DOCK7: variants seen among roughly 807,000 people sequenced by gnomAD.
DOCK7 encodes the protein dedicator of cytokinesis 7.
A neutral mutation model predicts 271.0 loss-of-function variants in DOCK7; 138 were observed. The observed-to-expected ratio is 0.51, with a 90% confidence interval of 0.44 to 0.59. The LOEUF is 0.59. DOCK7 is among the 20% of genes least tolerant of loss of function. The probability of loss-of-function intolerance (pLI) is 0.00; values close to 1 mark genes in which losing one functional copy is unlikely to be tolerated. For synonymous variants in DOCK7, 823 were observed against 876.1 expected (o/e 0.94, Z 1.07); for missense variants, 2,066 against 2,592.4 (o/e 0.80, Z 4.41).
intron 14 of DOCK7, among the ~76,000 whole-genome samples, chr1:62,597,054 G>A (rs1005073144): frequency 1.3e-5 from 2 of 152,116 alleles, no homozygotes; most frequent in East Asian, 1.9e-4. Context: ...ATTGAGAGCC[G>A]TAACACCACC....
rs773854351 is a variant in DOCK7 at position 62,654,011 on chromosome 1, G to T, written c.293C>A (p.Thr98Asn). Residue 98 changes from threonine to asparagine, a missense_variant, in exon 3 of 50, where the codon ACT becomes AAT. Around this residue, in one of 2 missense-constraint regions of DOCK7, gnomAD observed 1,414 missense variants for 1,670.4 expected, o/e 0.85. Transcript: ENST00000635253. ...TTCTTCAGGTACAGCTGAAACAAGA[G>T]TTCTGCAGTCCCGAGGACTATAAAC... The part of the protein sequence containing the change: ...EVVYSPRDCR[T>N]LVSAVPEESE... 1.7e-5 allele frequency: 27 copies of T among 1,613,654 alleles called. No individual in the cohort carries two copies. Among genetic ancestry groups the T allele is most frequent in the Non-Finnish European group, 2.3e-5 (27 of 1,179,812 alleles).
At chr1:62,536,104 T>TTGTC (rs1163526029) in intron 28 of DOCK7, among the ~76,000 whole-genome samples, 1 of 4,506 alleles carries the variant, frequency 2.2e-4, no homozygotes, top group Admixed American at 5.6e-3. Flanking sequence ...CATCATTTTG[T>TTGTC]TGTCTGAGTT....
chr1:62,626,119 T>C (rs889918008), intron 11 of DOCK7, among the ~76,000 whole-genome samples: 2 of 152,128 alleles, frequency 1.3e-5, no homozygotes, highest in African/African-American at 4.8e-5. Flanking sequence ...TATGTAAGTA[T>C]AATAGCCCAT....
chr1:62,532,159 C>T (rs772505589), intron 29 of DOCK7, among the ~76,000 whole-genome samples: 4 of 152,042 alleles, frequency 2.6e-5, no homozygotes, highest in Non-Finnish European at 5.9e-5. Flanking sequence ...CTCAGCCTCC[C>T]GAGTAGCTGG....
chr1:62,565,377 T>G (rs1264424936), intron 18 of DOCK7, among the ~76,000 whole-genome samples: 1 of 152,146 alleles, frequency 6.6e-6, no homozygotes, highest in Non-Finnish European at 1.5e-5. Context: ...CAAGTCAGCT[T>G]CATCCCTGGG....
chr1:62,631,720 T>C (rs1171093902), intron 10 of DOCK7, among the ~76,000 whole-genome samples: 3 of 151,392 alleles, frequency 2.0e-5, no homozygotes. Flanking sequence ...ATAACCATGG[T>C]CTAGTCAGCA....
intron 1 of DOCK7, 35 bp from the exon 2 acceptor site, chr1:62,663,165 GAA>G (rs377005796): frequency 3.3e-4 from 340 of 1,038,032 alleles, no homozygotes; most frequent in South Asian, 5.9e-4. Context: ...ACGCATTATT[GAA>G]AAAAAAAAAA....
At chr1:62,529,472 A>T in intron 29 of DOCK7, 26 bp from the exon 30 acceptor site, 1 of 1,570,750 alleles carries the variant, frequency 6.4e-7, no homozygotes, top group Middle Eastern at 1.7e-4. Flanking sequence ...AAGACAAAGA[A>T]GAAAAAGCAG....
chr1:62,688,076 ACCCCGAACCC>A, intron 1 of DOCK7, 141 bp downstream of exon 1: 1 of 1,014,326 alleles, frequency 9.9e-7, no homozygotes, highest in Non-Finnish European at 1.2e-6. Flanking sequence ...CCCCTCAGCC[ACCCCGAACCC>A]CTTCCGCCCC....
intron 1 of DOCK7, among the ~76,000 whole-genome samples, chr1:62,680,140 C>T (rs962478103): frequency 7.2e-5 from 11 of 152,134 alleles, no homozygotes; most frequent in Non-Finnish European, 1.5e-4. Context: ...TCAAACTGTA[C>T]TACAAGGCTA....
Position 62,538,041 on chromosome 1 carries a change from T to C in DOCK7, c.3321A>G (p.Ser1107=), listed in dbSNP as rs532161091. Reference sequence around the variant, plus strand: ...ACACCAGAACACTGGGATTCGGTAATGAGTAAAGCTTTGAAGACACCTTGT... The same window carrying C: ...ACACCAGAACACTGGGATTCGGTAACGAGTAAAGCTTTGAAGACACCTTGT... The part of the protein sequence containing the change: ...CYKQVSSKLY[S]LPNPSVLVSL... Residue 1107 remains serine, a synonymous_variant, in exon 28 of 50, where the codon TCA becomes TCG. Coordinates refer to ENST00000635253, the MANE Select transcript of DOCK7 (RefSeq NM_001367561.1). 3 of 1,613,798 alleles carry C rather than the reference T, an allele frequency of 1.9e-6. No individual in the cohort carries two copies. The highest frequency in any genetic ancestry group is 2.2e-5 in the South Asian group (2 of 91,036).
intron 16 of DOCK7, among the ~76,000 whole-genome samples, chr1:62,582,400 AT>A (rs1647158147): frequency 6.7e-6 from 1 of 150,194 alleles, no homozygotes; most frequent in South Asian, 2.1e-4. Context: ...AATACAAAAA[AT>A]TAGCCGGGCG....
At chr1:62,466,351 A>T (rs149529166) in intron 48 of DOCK7, among the ~76,000 whole-genome samples, 72 of 152,366 alleles carry the variant, frequency 4.7e-4, no homozygotes, top group Non-Finnish European at 7.3e-4. Context: ...ACTGTTTTGT[A>T]CAAATGCAGT....
At chr1:62,661,314 C>T (rs1658636744) in intron 2 of DOCK7, among the ~76,000 whole-genome samples, 1 of 151,864 alleles carries the variant, frequency 6.6e-6, no homozygotes, top group South Asian at 2.1e-4. Context: ...TACAGGGTTT[C>T]AGTATGGGAT....
intron 44 of DOCK7, chr1:62,477,016 T>G (rs567184093): frequency 6.6e-6 from 1 of 152,214 alleles, no homozygotes; most frequent in Admixed American, 6.5e-5. Context: ...CCTGGGGATC[T>G]TGTTAAAATG....
chr1:62,678,670 G>A (rs1660789238), intron 1 of DOCK7, among the ~76,000 whole-genome samples: 1 of 151,946 alleles, frequency 6.6e-6, no homozygotes, highest in South Asian at 2.1e-4. Context: ...AAATTTACGT[G>A]GAAATTCAAA....
intron 42 of DOCK7, chr1:62,487,698 C>T (rs543079912): frequency 3.2e-5 from 10 of 312,966 alleles, no homozygotes; most frequent in South Asian, 2.4e-4. Context: ...AGATCTCTAA[C>T]TAAGGTGAGC....
intron 18 of DOCK7, among the ~76,000 whole-genome samples, chr1:62,566,019 A>C (rs1372846055): frequency 3.9e-5 from 6 of 152,212 alleles, no homozygotes; most frequent in African/African-American, 1.4e-4. Flanking sequence ...CTCTTCAAGG[A>C]GAACTACACA....
chr1:62,562,936 C>G (rs1215913397), intron 18 of DOCK7, among the ~76,000 whole-genome samples: 2 of 152,132 alleles, frequency 1.3e-5, no homozygotes, highest in Admixed American at 1.3e-4. Context: ...AGGCAGCCAC[C>G]CTTAGCAGCC....
Sources: allele counts gnomAD v4.1 joint callset (sites outside exome capture counted in the v4.1 genomes callset), GRCh38; gene constraint gnomAD v4.1.1; regional missense constraint gnomAD v4.1.1; transcripts MANE v1.5; gene names NCBI Gene and HGNC (gene_info 2026-07-23, HGNC 2026-07-21).